The following MDGA2 variants were observed in gnomAD, a reference collection of about 807,000 sequenced individuals.
MDGA2 encodes MAM domain containing glycosylphosphatidylinositol anchor 2, also known as MAM domain-containing glycosylphosphatidylinositol anchor protein 2.
Under a neutral mutation model 117.8 loss-of-function variants are expected in MDGA2, and 40 were observed. The ratio of observed to expected loss-of-function variants is 0.34; its 90% CI spans 0.26 to 0.44. The LOEUF (loss-of-function observed/expected upper bound fraction) is 0.44, where lower values mean the gene tolerates loss of function less well. MDGA2 is among the 20% of genes least tolerant of loss of function. MDGA2 has a pLI of 1.00. For synonymous variants in MDGA2, 452 were observed against 439.0 expected (o/e 1.03, Z -0.37); for missense variants, 1,123 against 1,250.6 (o/e 0.90, Z 1.54).
intron 8 of MDGA2, among the ~76,000 whole-genome samples, chr14:46,959,028 T>G (rs1595069532): frequency 6.6e-6 from 1 of 152,224 alleles, no homozygotes; most frequent in Non-Finnish European, 1.5e-5. Context: ...CTTATTCCAG[T>G]TGAATTAATT....
At chr14:47,380,627 C>T (rs959046105) in intron 1 of MDGA2, among the ~76,000 whole-genome samples, 1 of 151,968 alleles carries the variant, frequency 6.6e-6, no homozygotes, top group Non-Finnish European at 1.5e-5. Context: ...TGGATAAATT[C>T]CTCGACACAT....
At chr14:47,401,159 A>T (rs1033159597) in intron 1 of MDGA2, among the ~76,000 whole-genome samples, 1 of 152,046 alleles carries the variant, frequency 6.6e-6, no homozygotes, top group Non-Finnish European at 1.5e-5. Flanking sequence ...ATAAATTAAC[A>T]ACCAAAAACA....
At chr14:47,048,718 C>T (rs2138712965) in intron 7 of MDGA2, among the ~76,000 whole-genome samples, 1 of 152,192 alleles carries the variant, frequency 6.6e-6, no homozygotes, top group East Asian at 1.9e-4. Context: ...AATGTTCCAT[C>T]AACAGATCAG....
chr14:47,326,038 TTAATC>T (rs1890133418), intron 1 of MDGA2, among the ~76,000 whole-genome samples: 1 of 152,080 alleles, frequency 6.6e-6, no homozygotes, highest in Admixed American at 6.6e-5. Context: ...ATATTAGACA[TTAATC>T]TAAGATGACA....
chr14:47,630,978 T>G (rs529671388), intron 1 of MDGA2, among the ~76,000 whole-genome samples: 1 of 152,286 alleles, frequency 6.6e-6, no homozygotes, highest in African/African-American at 2.4e-5. Flanking sequence ...AAAACAGAAA[T>G]GCTAAGAAAT....
chr14:47,674,915 G>C lies in MDGA2; in HGVS notation c.-119C>G. On this transcript the variant is annotated 5_prime_UTR_variant, in exon 1 of 17. Transcript: ENST00000399232. ...GGAAAATCGCAGACGCCGGGGAGGA[G>C]CAGGGGGCGGTGATGGGAAGGGGAG... 1 of 528,452 alleles carries C rather than the reference G, an allele frequency of 1.9e-6. No homozygotes were observed. The highest frequency in any genetic ancestry group is 3.3e-6 in the Non-Finnish European group (1 of 304,758). 32.7% of individuals were successfully genotyped at this position (528,452 alleles called of 1,614,324 possible).
intron 9 of MDGA2, among the ~76,000 whole-genome samples, chr14:46,938,075 A>C (rs1033889075): frequency 3.9e-5 from 6 of 152,214 alleles, no homozygotes; most frequent in Non-Finnish European, 5.9e-5. Flanking sequence ...CTATCCAGAA[A>C]ATACAATGAT....
intron 10 of MDGA2, among the ~76,000 whole-genome samples, chr14:46,912,631 C>T (rs1883750546): frequency 6.6e-6 from 1 of 152,118 alleles, no homozygotes; most frequent in Non-Finnish European, 1.5e-5. Flanking sequence ...TTTGAGGTTG[C>T]TTGTTTCCTC....
At chr14:46,875,746 T>C (rs1467979218) in intron 12 of MDGA2, among the ~76,000 whole-genome samples, 1 of 151,600 alleles carries the variant, frequency 6.6e-6, no homozygotes, top group African/African-American at 2.4e-5. Context: ...ATAAAGGCAA[T>C]GTTTGATTTT....
At chr14:47,289,328 C>CACACACACAA (rs1888798072) in intron 2 of MDGA2, among the ~76,000 whole-genome samples, 2 of 150,824 alleles carry the variant, frequency 1.3e-5, no homozygotes, top group Admixed American at 6.7e-5. Context: ...CACACACACA[C>CACACACACAA]ACACACACAC....
At chr14:47,143,864 T>A (rs1882826964) in intron 4 of MDGA2, among the ~76,000 whole-genome samples, 1 of 152,178 alleles carries the variant, frequency 6.6e-6, no homozygotes. Flanking sequence ...AGTTAAAAAA[T>A]GTTTTCAAAA....
chr14:46,843,024 A>G (rs890803660), intron 16 of MDGA2, among the ~76,000 whole-genome samples: 9 of 152,212 alleles, frequency 5.9e-5, no homozygotes, highest in African/African-American at 1.9e-4. Context: ...TTTGTGTTCA[A>G]TTAAGATTAT....
intron 1 of MDGA2, among the ~76,000 whole-genome samples, chr14:47,523,556 A>G (rs1347476900): frequency 6.6e-5 from 10 of 152,274 alleles, no homozygotes; most frequent in African/African-American, 1.9e-4. Context: ...TGGAATCTTC[A>G]GGTTGTCTCG....
chr14:47,091,369 A>G lies in MDGA2; in HGVS notation c.1195+5485T>C, dbSNP rs113696077. Among the ~76,000 whole-genome samples, 336 of 152,280 alleles carry G rather than the reference A, an allele frequency of 2.2e-3. 2 individuals are homozygous for G. Among genetic ancestry groups the G allele is most frequent in the African/African-American group, 7.6e-3 (315 of 41,570 alleles). The stretch of plus-strand genomic sequence containing the variant: ...CCCCTATAGTCCTATTAAAAAGCAG[A>G]CAATAAGTAAGGAAATATGGATAAA... On this transcript the variant is annotated intron_variant, in intron 6 of 16. Transcript: ENST00000399232.
chr14:47,065,516 T>C (rs376615619), intron 6 of MDGA2, among the ~76,000 whole-genome samples: 6 of 152,190 alleles, frequency 3.9e-5, no homozygotes, highest in Non-Finnish European at 5.9e-5. Context: ...AGAGGGAACA[T>C]TGCCTTCAGA....
intron 1 of MDGA2, among the ~76,000 whole-genome samples, chr14:47,499,807 T>C (rs1894361986): frequency 6.6e-6 from 1 of 152,160 alleles, no homozygotes; most frequent in Non-Finnish European, 1.5e-5. Context: ...TGCTTGAGAA[T>C]TTATAAACAG....
At chr14:46,995,480 A>G (rs1345163231) in intron 8 of MDGA2, among the ~76,000 whole-genome samples, 1 of 152,190 alleles carries the variant, frequency 6.6e-6, no homozygotes, top group Non-Finnish European at 1.5e-5. Context: ...TAGGAAGTTA[A>G]TGAATTACAA....
intron 11 of MDGA2, among the ~76,000 whole-genome samples, chr14:46,880,024 A>T (rs2101643): frequency 0.31 from 46,668 of 152,022 alleles, 7,462 homozygotes; most frequent in South Asian, 0.52. Context: ...TCTGATAATC[A>T]GTGATAAAAA....
chr14:47,561,158 G>GGTTTTTTT (rs1566515949), intron 1 of MDGA2, among the ~76,000 whole-genome samples: 20 of 55,088 alleles, frequency 3.6e-4, no homozygotes, highest in South Asian at 2.1e-3. Flanking sequence ...TTTTTGTTTT[G>GGTTTTTTT]TTTTGTTTTT....
Sources: gnomAD v4.1 joint callset for allele counts (sites outside exome capture counted in the v4.1 genomes callset) on GRCh38, gnomAD v4.1.1 for gene constraint, MANE v1.5 for transcripts, NCBI Gene and HGNC (gene_info 2026-07-23, HGNC 2026-07-21) for gene names.